Variants in FBXL12 observed in about 807,000 individuals in gnomAD.
The protein encoded by FBXL12 is F-box/LRR-repeat protein 12.
In FBXL12, 22 loss-of-function variants were observed where a neutral mutation model predicts 24.9. The observed-to-expected ratio is 0.88, with a 90% CI of 0.63 to 1.26. FBXL12 has a LOEUF of 1.26. Among genes scored for constraint, FBXL12 ranks in the 50% most tolerant of loss-of-function variants. The pLI is 0.00. For synonymous variants in FBXL12, 193 were observed against 193.8 expected (o/e 1.00, Z 0.03); for missense variants, 384 against 434.1 (o/e 0.88, Z 1.03).
Position 9,811,086 on chromosome 19 carries a change from A to G in FBXL12, c.791T>C (p.Val264Ala), listed in dbSNP as rs141986141. Reference protein sequence around the residue: ...LESLCLQGPLVTPEMPSPTEI... With the variant: ...LESLCLQGPLATPEMPSPTEI... ...AGTGGGGGAGGGCATTTCTGGGGTGACGAGGGGACCCTGCAGGCACAGACT... is the reference window on the plus strand; with the variant it reads ...AGTGGGGGAGGGCATTTCTGGGGTGGCGAGGGGACCCTGCAGGCACAGACT... Residue 264 changes from valine to alanine, a missense_variant, in exon 3 of 3, where the codon GTC becomes GCC. Transcript: ENST00000247977. The surrounding 1 kb of genome is among the most constrained non-coding windows in gnomAD (Gnocchi z 6.0). The G allele has an allele frequency of 8.7e-4, 1,393 of 1,610,284 alleles. 2 individuals carry two copies. The highest frequency in any genetic ancestry group is 1.1e-3 in the Non-Finnish European group (1,312 of 1,177,126).
intron 2 of FBXL12, chr19:9,818,066 A>C (rs1402728759): frequency 1.2e-5 from 4 of 341,742 alleles, no homozygotes; most frequent in Non-Finnish European, 2.1e-5. Flanking sequence ...ATAAAAAATT[A>C]GCAGGTGTAG....
chr19:9,811,670 G>T lies in FBXL12; in HGVS notation c.207C>A (p.Ser69=). Residue 69 remains serine, a synonymous_variant, in exon 3 of 3, where the codon TCC becomes TCA. Coordinates refer to ENST00000247977, the MANE Select transcript of FBXL12 (RefSeq NM_017703.3). This position sits in a 1 kb window ranked among gnomAD's most constrained non-coding sequence, Gnocchi z 6.0. The part of the protein sequence containing the change: ...MWHLLRRYMA[S]RLHSLRMGGY... Reference sequence around the variant, plus strand: ...CACCCATCCGCAGGGAATGGAGCCGGGATGCCATGTACCTTCGAAGGAGGT... The same window carrying T: ...CACCCATCCGCAGGGAATGGAGCCGTGATGCCATGTACCTTCGAAGGAGGT... 6.6e-7 allele frequency: 1 copy of T among 1,517,966 alleles called. No individual in the cohort carries two copies. The highest frequency in any genetic ancestry group is 2.3e-5 in the East Asian group (1 of 43,994). The allele number at this position is 1,517,966 out of a possible 1,614,324, so 94.0% of individuals were successfully genotyped here.
chr19:9,811,326 C>T lies in FBXL12; in HGVS notation c.551G>A (p.Gly184Asp), dbSNP rs768237975. The T allele has an allele frequency of 6.8e-6, 11 of 1,609,402 alleles. No individual in the cohort carries two copies. The highest frequency in any genetic ancestry group is 1.7e-5 in the Admixed American group (1 of 60,020). ...TGTCTCGGTCACACGGTAGGTACCA[C>T]CCAGCACCAGCGAGCGCAAGGCCCG... ...RFRALRSLVL[G>D]GTYRVTETGL... The change falls in exon 3 of 3, where the codon GGT becomes GAT. Residue 184 changes from glycine (G) to aspartate (D), a missense_variant. Coordinates refer to ENST00000247977, the MANE Select transcript of FBXL12 (RefSeq NM_017703.3). This position sits in a 1 kb window ranked among gnomAD's most constrained non-coding sequence, Gnocchi z 6.0.
Position 9,811,036 on chromosome 19 carries a change from T to C in FBXL12, c.841A>G (p.Met281Val), listed in dbSNP as rs199702818. ...PTEILSSCLT[M>V]PKLRVLELQG... Reference sequence around the variant, plus strand: ...AGCTCAAGGACTCTGAGCTTGGGCATAGTGAGGCAGGAGGAGAGGATTTCA... The same window carrying C: ...AGCTCAAGGACTCTGAGCTTGGGCACAGTGAGGCAGGAGGAGAGGATTTCA... Residue 281 changes from methionine to valine, a missense_variant, in exon 3 of 3, where the codon ATG (methionine) becomes GTG (valine). By Grantham distance (21) the Met-to-Val change is conservative. Transcript: ENST00000247977. The surrounding 1 kb of genome is among the most constrained non-coding windows in gnomAD (Gnocchi z 6.0). The C allele has an allele frequency of 2.4e-5, 39 of 1,595,726 alleles. No individual in the cohort carries two copies. In the Admixed American group the frequency reaches 2.7e-4, roughly 11 times the overall value.
Position 9,818,860 on chromosome 19 carries a change from G to A in FBXL12, c.-47C>T. On this transcript the variant is annotated 5_prime_UTR_variant, in exon 1 of 3. Coordinates refer to ENST00000247977, the MANE Select transcript of FBXL12 (RefSeq NM_017703.3). Reference sequence around the variant, plus strand: ...CGCTTCCGGTTAAAGAGACCCGAGGGGTCCTGGGGGCGCCGAGGCGGCTGA... The same window carrying A: ...CGCTTCCGGTTAAAGAGACCCGAGGAGTCCTGGGGGCGCCGAGGCGGCTGA... 6.7e-7 allele frequency: 1 copy of A among 1,496,250 alleles called. No homozygotes were observed. The allele number at this position is 1,496,250 out of a possible 1,614,324, so 92.7% of individuals were successfully genotyped here.
rs766694260 is a variant in FBXL12, at chr19:9,818,823, G to A, written c.-10C>T. 6.5e-7 allele frequency: 1 copy of A among 1,548,298 alleles called. No homozygotes were observed. Among genetic ancestry groups the A allele is most frequent in the South Asian group, 1.2e-5 (1 of 84,112 alleles). On this transcript the variant is annotated 5_prime_UTR_variant, in exon 1 of 3. Transcript: ENST00000247977. The stretch of plus-strand genomic sequence containing the variant: ...CGACCAAAGTCGCCATGATCCCGCC[G>A]ACACGCACTTCCGCTTCCGGTTAAA...
Position 9,810,918 on chromosome 19 carries a change from T to C in FBXL12, c.959A>G (p.Glu320Gly), listed in dbSNP as rs1445567318. The C allele has an allele frequency of 6.3e-7, 1 of 1,593,732 alleles. No individual in the cohort carries two copies. Among genetic ancestry groups the C allele is most frequent in the African/African-American group, 1.3e-5 (1 of 74,546 alleles). ...TAGTTACATCCACCAGTCCATAGAC[T>C]CTTTGGGGCAAGCCCTGACGATGAC... is the stretch of plus-strand genomic sequence containing the variant. Reference protein sequence around the residue: ...CMVIVRACPKESMDWWM With the variant: ...CMVIVRACPKGSMDWWM The change falls in exon 3 of 3, where the codon GAG becomes GGG. Residue 320 changes from glutamate to glycine, a missense_variant. Transcript: ENST00000247977.
At chr19:9,816,108 G>T (rs143796524) in intron 2 of FBXL12, among the ~76,000 whole-genome samples, 183 of 152,304 alleles carry the variant, frequency 1.2e-3, no homozygotes, top group African/African-American at 4.3e-3. Context: ...CCAAGTCCCA[G>T]GGTGAACATA....
At position 9,818,629 on chromosome 19, in the gene FBXL12, GACGCGCGGT is replaced by G; in HGVS notation, c.87-21_87-13del. On this transcript the variant is annotated splice_polypyrimidine_tract_variant and intron_variant, in intron 1 of 2. Coordinates refer to ENST00000247977, the MANE Select transcript of FBXL12 (RefSeq NM_017703.3). ...AGCGGTGACAGACCCTGGGGGAGGG[GACGCGCGGT>G]TAGAACGACCCCAGCCCCGGGCCAC... 1 of 1,552,710 alleles carries G rather than the reference GACGCGCGGT, an allele frequency of 6.4e-7. No individual in the cohort carries two copies. The highest frequency in any genetic ancestry group is 1.2e-5 in the South Asian group (1 of 84,376).
At chr19:9,815,567 G>A (rs539642639) in intron 2 of FBXL12, among the ~76,000 whole-genome samples, 71 of 152,152 alleles carry the variant, frequency 4.7e-4, no homozygotes, top group African/African-American at 1.6e-3. Flanking sequence ...CTCCATGAGG[G>A]CCCCACCCCT....
chr19:9,812,759 T>TAAAAAA (rs35525468), intron 2 of FBXL12, among the ~76,000 whole-genome samples: 4 of 114,444 alleles, frequency 3.5e-5, no homozygotes, highest in African/African-American at 9.8e-5. Context: ...AGGTCTATGT[T>TAAAAAA]AAAAAAAAAA....
intron 2 of FBXL12, chr19:9,813,167 G>T: frequency 1.1e-6 from 1 of 946,740 alleles, no homozygotes; most frequent in Non-Finnish European, 1.4e-6. Flanking sequence ...ATATATAATT[G>T]ATAGCACTGG....
rs566355564 is a variant in FBXL12, at chr19:9,819,068, G to A, written c.-255C>T. ...CTGAGGCGTGATTTGGCCGCGACTG[G>A]GAACTAAGACCAAGTCCAGAAGGCG... is the stretch of plus-strand genomic sequence containing the variant. On this transcript the variant is annotated 5_prime_UTR_variant, in exon 1 of 3. Transcript: ENST00000247977. The A allele has an allele frequency of 1.8e-6, 1 of 565,636 alleles. No individual in the cohort carries two copies. The highest frequency in any genetic ancestry group is 3.2e-6 in the Non-Finnish European group (1 of 315,630). The allele number at this position is 565,636 out of a possible 1,614,324, so 35.0% of individuals were successfully genotyped here.
At chr19:9,818,050 C>T (rs1464056855) in intron 2 of FBXL12, 3 of 305,030 alleles carry the variant, frequency 9.8e-6, no homozygotes, top group African/African-American at 4.3e-5. Flanking sequence ...TCCGTCTCTA[C>T]AAAAAATAAA....
intron 2 of FBXL12, among the ~76,000 whole-genome samples, chr19:9,816,835 T>G (rs953783742): frequency 6.6e-6 from 1 of 152,198 alleles, no homozygotes; most frequent in Non-Finnish European, 1.5e-5. Flanking sequence ...AAGACATACC[T>G]GAGACTGGGA....
rs778279748 is a variant in FBXL12, at chr19:9,811,384, G to T, written c.493C>A (p.Arg165Ser). ...CIVLDRVPAF[R>S]DEHLQGLTRF... Reference sequence around the variant, plus strand: ...GTCAGGCCCTGCAGGTGCTCGTCACGGAAGGCGGGGACGCGGTCCAGCACG... The same window carrying T: ...GTCAGGCCCTGCAGGTGCTCGTCACTGAAGGCGGGGACGCGGTCCAGCACG... Residue 165 changes from arginine to serine, a missense_variant, in exon 3 of 3, where the codon CGT (arginine) becomes AGT (serine). Coordinates refer to ENST00000247977, the MANE Select transcript of FBXL12 (RefSeq NM_017703.3). The surrounding 1 kb of genome is among the most constrained non-coding windows in gnomAD (Gnocchi z 6.0). The T allele has an allele frequency of 1.9e-6, 3 of 1,612,628 alleles. No homozygotes were observed. Among genetic ancestry groups the T allele is most frequent in the Non-Finnish European group, 2.5e-6 (3 of 1,179,960 alleles).
At chr19:9,816,199 G>A (rs1300772874) in intron 2 of FBXL12, among the ~76,000 whole-genome samples, 1 of 152,168 alleles carries the variant, frequency 6.6e-6, no homozygotes, top group African/African-American at 2.4e-5. Context: ...TGCCGTGAAG[G>A]TCTCTGACAT....
chr19:9,818,350 AT>A (rs1166561207), intron 2 of FBXL12, 194 bp downstream of exon 2: 1 of 616,156 alleles, frequency 1.6e-6, no homozygotes, highest in South Asian at 1.9e-5. Flanking sequence ...CTTTATCCCC[AT>A]TGCAGGGATG....
chr19:9,816,738 T>A (rs1188553189), intron 2 of FBXL12, among the ~76,000 whole-genome samples: 1 of 152,222 alleles, frequency 6.6e-6, no homozygotes, highest in South Asian at 2.1e-4. Flanking sequence ...GTTCCAAAGA[T>A]GCTTCTACAT....
Sources: gnomAD v4.1 joint callset for allele counts (sites outside exome capture counted in the v4.1 genomes callset) on GRCh38, gnomAD v4.1.1 for gene constraint, Gnocchi (gnomAD v3.1) non-coding constraint, MANE v1.5 for transcripts, NCBI Gene and HGNC (gene_info 2026-07-23, HGNC 2026-07-21) for gene names.